MAN1C1: variants seen among roughly 807,000 people sequenced by gnomAD.
MAN1C1 encodes the protein mannosyl-oligosaccharide 1,2-alpha-mannosidase IC.
MAN1C1 carries 49 observed loss-of-function variants against 71.5 expected under a neutral mutation model. The observed-to-expected ratio is 0.69, with a 90% CI of 0.54 to 0.87. The LOEUF (loss-of-function observed/expected upper bound fraction) is 0.87. MAN1C1 is among the 40% of genes least tolerant of loss of function. The pLI is 0.00. For synonymous variants in MAN1C1, 352 were observed against 343.7 expected (o/e 1.02, Z -0.27); for missense variants, 743 against 835.0 (o/e 0.89, Z 1.36).
chr1:25,627,902 G>T (rs1293634255), intron 1 of MAN1C1, among the ~76,000 whole-genome samples: 1 of 151,772 alleles, frequency 6.6e-6, no homozygotes, highest in African/African-American at 2.4e-5. Context: ...AATTATCCAG[G>T]CATGATGATG....
intron 1 of MAN1C1, among the ~76,000 whole-genome samples, chr1:25,637,592 C>T (rs2045480448): frequency 6.6e-6 from 1 of 151,182 alleles, no homozygotes; most frequent in African/African-American, 2.4e-5. Context: ...GTGTTCAAAA[C>T]TATGTATTTT....
intron 2 of MAN1C1, among the ~76,000 whole-genome samples, chr1:25,734,490 A>C (rs2046954332): frequency 6.6e-6 from 1 of 152,238 alleles, no homozygotes; most frequent in Non-Finnish European, 1.5e-5. Context: ...GCAAAAAAGG[A>C]TTGTTCTTAA....
At chr1:25,653,378 T>C (rs2045719808) in intron 1 of MAN1C1, among the ~76,000 whole-genome samples, 1 of 152,200 alleles carries the variant, frequency 6.6e-6, no homozygotes, top group African/African-American at 2.4e-5. Context: ...CATGCACAGC[T>C]GTACCTCCTC....
chr1:25,664,451 A>G (rs895545432), intron 1 of MAN1C1, among the ~76,000 whole-genome samples: 7 of 152,182 alleles, frequency 4.6e-5, no homozygotes, highest in African/African-American at 1.4e-4. Context: ...CTTTCCATGT[A>G]TCCCCACGTT....
At chr1:25,727,604 C>T (rs1323139486) in intron 2 of MAN1C1, among the ~76,000 whole-genome samples, 3 of 152,242 alleles carry the variant, frequency 2.0e-5, no homozygotes, top group African/African-American at 7.2e-5. Context: ...ACGGAGTGCC[C>T]ATGGTATTCT....
intron 1 of MAN1C1, among the ~76,000 whole-genome samples, chr1:25,685,995 T>C (rs1473210009): frequency 6.6e-6 from 1 of 152,194 alleles, no homozygotes; most frequent in African/African-American, 2.4e-5. Context: ...TTGGATGAGT[T>C]ACCTCATGTC....
Position 25,725,601 on chromosome 1 carries a change from G to A in MAN1C1, c.638-21067G>A, listed in dbSNP as rs1166498180. On this transcript the variant is annotated intron_variant, in intron 2 of 11. Coordinates refer to ENST00000374332, the MANE Select transcript of MAN1C1 (RefSeq NM_020379.4). The surrounding 1 kb of genome is among the most constrained non-coding windows in gnomAD (Gnocchi z 4.8). ...AGGGGTCCACTAGAGCAAGCCTGCT[G>A]AGGGCTTCTTGGGTTATCCTAGCTC... 6.6e-6 allele frequency among the ~76,000 whole-genome samples: 1 copy of A among 152,204 alleles called. No individual in the cohort carries two copies. The highest frequency in any genetic ancestry group is 1.5e-5 in the Non-Finnish European group (1 of 68,028).
chr1:25,659,911 T>C (rs2045822073), intron 1 of MAN1C1, among the ~76,000 whole-genome samples: 1 of 152,222 alleles, frequency 6.6e-6, no homozygotes, highest in African/African-American at 2.4e-5. Flanking sequence ...TGTATCTATG[T>C]ATAATGATAT....
At position 25,778,569 on chromosome 1, in the gene MAN1C1, A is replaced by G. The variant is rs2047652269; in HGVS notation, c.1477+245A>G. Among the ~76,000 whole-genome samples the G allele has an allele frequency of 6.6e-6, 1 of 152,170 alleles. No individual in the cohort carries two copies. The highest frequency in any genetic ancestry group is 2.4e-5 in the African/African-American group (1 of 41,446). ...GGTACTCTTCCGCACTTGACACAAC[A>G]TCACTGAACCTCACCACACAGATGA... is the stretch of plus-strand genomic sequence containing the variant. On this transcript the variant is annotated intron_variant, in intron 9 of 11. Transcript: ENST00000374332. This position sits in a 1 kb window ranked among gnomAD's most constrained non-coding sequence, Gnocchi z 5.5.
intron 1 of MAN1C1, among the ~76,000 whole-genome samples, chr1:25,677,649 A>G (rs2046088560): frequency 6.6e-6 from 1 of 152,032 alleles, no homozygotes; most frequent in African/African-American, 2.4e-5. Flanking sequence ...TCTCTGTGCT[A>G]TTAGTGTCTG....
intron 2 of MAN1C1, among the ~76,000 whole-genome samples, chr1:25,689,276 A>G (rs1370574233): frequency 6.6e-6 from 1 of 152,128 alleles, no homozygotes; most frequent in Admixed American, 6.5e-5. Context: ...GGTGACCACA[A>G]GTGCTGACAT....
chr1:25,662,588 G>A (rs1028014980), intron 1 of MAN1C1, among the ~76,000 whole-genome samples: 7 of 151,646 alleles, frequency 4.6e-5, no homozygotes, highest in African/African-American at 9.7e-5. Context: ...ACACAAACAC[G>A]GTTCCCTAAA....
rs989699883 is a variant in MAN1C1, at chr1:25,778,680, G to A, written c.1477+356G>A. Among the ~76,000 whole-genome samples, 4 of 152,110 alleles carry A rather than the reference G, an allele frequency of 2.6e-5. No individual in the cohort carries two copies. Among genetic ancestry groups the A allele is most frequent in the South Asian group, 2.1e-4 (1 of 4,808 alleles). Reference sequence around the variant, plus strand: ...ATCCTCCAGCCCCGGAGGCAGAAACGGCGGCTTCCTGAGCCCGGCACATGT... The same window carrying A: ...ATCCTCCAGCCCCGGAGGCAGAAACAGCGGCTTCCTGAGCCCGGCACATGT... On this transcript the variant is annotated intron_variant, in intron 9 of 11. Transcript: ENST00000374332. This position sits in a 1 kb window ranked among gnomAD's most constrained non-coding sequence, Gnocchi z 5.5.
At chr1:25,635,968 G>A (rs575502385) in intron 1 of MAN1C1, among the ~76,000 whole-genome samples, 9 of 152,242 alleles carry the variant, frequency 5.9e-5, no homozygotes, top group South Asian at 2.1e-4. Flanking sequence ...CCGGGCCTCC[G>A]GGGTGACATC....
intron 1 of MAN1C1, among the ~76,000 whole-genome samples, chr1:25,674,772 C>T (rs1314176973): frequency 5.4e-3 from 1 of 186 alleles, no homozygotes; most frequent in Non-Finnish European, 0.01. Context: ...GGGTGACTTC[C>T]TGGGCCTGAT....
intron 1 of MAN1C1, among the ~76,000 whole-genome samples, chr1:25,679,256 G>A (rs916536796): frequency 1.3e-5 from 2 of 152,050 alleles, no homozygotes; most frequent in Non-Finnish European, 2.9e-5. Context: ...TTTGGAGTAG[G>A]AAGAAAACAG....
intron 1 of MAN1C1, among the ~76,000 whole-genome samples, chr1:25,638,807 C>T (rs1308340210): frequency 6.6e-6 from 1 of 152,040 alleles, no homozygotes; most frequent in African/African-American, 2.4e-5. Context: ...TTCAGTTTAT[C>T]TTTGTTTTCA....
At position 25,753,411 on chromosome 1, in the gene MAN1C1, C is replaced by T; in HGVS notation, c.835-73C>T. ...TGCAGCCCTGGGGGGTTCATCCTGCCTGCAGCAGTTCTGGGGTTGACCTTC... is the reference window on the plus strand; with the variant it reads ...TGCAGCCCTGGGGGGTTCATCCTGCTTGCAGCAGTTCTGGGGTTGACCTTC... On this transcript the variant is annotated intron_variant, in intron 4 of 11. Coordinates refer to ENST00000374332, the MANE Select transcript of MAN1C1 (RefSeq NM_020379.4). The surrounding 1 kb of genome is among the most constrained non-coding windows in gnomAD (Gnocchi z 4.9). 1 of 1,168,194 alleles carries T rather than the reference C, an allele frequency of 8.6e-7. No homozygotes were observed. The highest frequency in any genetic ancestry group is 2.0e-4 in the Middle Eastern group (1 of 4,992). 72.4% of individuals were successfully genotyped at this position (1,168,194 alleles called of 1,614,324 possible). A position where few individuals can be genotyped will look rare whatever the true frequency, so the allele number is the denominator to read the frequency against.
intron 7 of MAN1C1, among the ~76,000 whole-genome samples, chr1:25,768,254 T>A (rs1485259320): frequency 1.0e-3 from 3 of 2,858 alleles, no homozygotes; most frequent in Non-Finnish European, 1.9e-3. Flanking sequence ...ACATCCACAC[T>A]CCCCTCACAC....
Sources: gnomAD v4.1 joint callset for allele counts (sites outside exome capture counted in the v4.1 genomes callset) on GRCh38, gnomAD v4.1.1 for gene constraint, Gnocchi (gnomAD v3.1) non-coding constraint, MANE v1.5 for transcripts, NCBI Gene and HGNC (gene_info 2026-07-23, HGNC 2026-07-21) for gene names.